Variants in PLD3 observed in about 807,000 individuals in gnomAD.
PLD3 encodes the protein 5'-3' exonuclease PLD3.
A neutral mutation model predicts 58.4 loss-of-function variants in PLD3; 31 were observed. The observed-to-expected ratio is 0.53, with a 90% CI of 0.40 to 0.72. PLD3 has a LOEUF of 0.72. Ranked by LOEUF, PLD3 falls within the 30% of genes least tolerant of loss-of-function variation. The probability of loss-of-function intolerance (pLI) is 0.00; values close to 1 mark genes in which losing one functional copy is unlikely to be tolerated. For missense variants in PLD3, 595 were observed against 659.8 expected (o/e 0.90, Z 1.08); for synonymous variants, 264 against 273.4 (o/e 0.97, Z 0.34).
chr19:40,374,506 G>A lies in PLD3; in HGVS notation c.905G>A (p.Ser302Asn), dbSNP rs1423910317. 1 of 1,614,156 alleles carries A rather than the reference G, an allele frequency of 6.2e-7. No homozygotes were observed. The highest frequency in any genetic ancestry group is 1.1e-5 in the South Asian group (1 of 91,082). ...AGTGCGCCCCCACCCCTGTGTCCAA[G>A]TGGCCGCACTCCAGACCTGAAGGCT... Reference protein sequence around the residue: ...LASAPPPLCPSGRTPDLKALL... With the variant: ...LASAPPPLCPNGRTPDLKALL... The change falls in exon 10 of 13, where the codon AGT becomes AAT. Residue 302 changes from serine to asparagine, a missense_variant. By Grantham distance (46) the Ser-to-Asn change is conservative. Transcript: ENST00000409735.
intron 1 of PLD3, among the ~76,000 whole-genome samples, chr19:40,364,616 C>T (rs1247918913): frequency 6.6e-6 from 1 of 151,608 alleles, no homozygotes; most frequent in African/African-American, 2.4e-5. Flanking sequence ...ATGGTGAAAC[C>T]CCATCTCTAC....
intron 10 of PLD3, 22 bp from the exon 11 acceptor site, chr19:40,376,587 C>A: frequency 1.2e-6 from 2 of 1,602,350 alleles, no homozygotes; most frequent in South Asian, 2.2e-5. Context: ...TCCTGCCCCA[C>A]CTCCTATACA....
chr19:40,361,680 A>G (rs2078788545), intron 1 of PLD3, among the ~76,000 whole-genome samples: 1 of 150,982 alleles, frequency 6.6e-6, no homozygotes, highest in South Asian at 2.1e-4. Context: ...ATCTCACCCC[A>G]CCTTGAAGTT....
At chr19:40,350,058 C>T (rs1442434553) in intron 1 of PLD3, among the ~76,000 whole-genome samples, 1 of 150,628 alleles carries the variant, frequency 6.6e-6, no homozygotes, top group Non-Finnish European at 1.5e-5. Context: ...GTCGGAAGTT[C>T]GAGACCAGCC....
rs375519904 is a variant in PLD3, at chr19:40,376,560, C to G, written c.1020-49C>G. 1.1e-5 allele frequency: 18 copies of G among 1,567,176 alleles called. No individual in the cohort carries two copies. In the African/African-American group the frequency reaches 1.9e-4, roughly 16 times the overall value. ...CAAAGCTGAGGGCAAAGCCTGTGGA[C>G]ACAGCCGCCCTCTGCATCCTGCCCC... is the stretch of plus-strand genomic sequence containing the variant. On this transcript the variant is annotated intron_variant, in intron 10 of 12. Coordinates refer to ENST00000409735, the MANE Select transcript of PLD3 (RefSeq NM_012268.4).
chr19:40,378,155 C>T lies in PLD3; in HGVS notation c.1455C>T (p.Asn485=), dbSNP rs146102141. ...DLDTSADSVG[N]ACRLL ...ACACCTCAGCTGACAGCGTGGGCAACGCCTGCCGCCTGCTCTGAGGCCCGA... is the reference window on the plus strand; with the variant it reads ...ACACCTCAGCTGACAGCGTGGGCAATGCCTGCCGCCTGCTCTGAGGCCCGA... Residue 485 remains asparagine (N), a synonymous_variant, in exon 13 of 13, where the codon AAC becomes AAT. Coordinates refer to ENST00000409735, the MANE Select transcript of PLD3 (RefSeq NM_012268.4). 1.2e-5 allele frequency: 19 copies of T among 1,609,326 alleles called. No homozygotes were observed. The East Asian group carries it at 1.3e-4, about 11-fold the overall frequency.
At position 40,366,827 on chromosome 19, in the gene PLD3, C is replaced by T. The variant is rs2145685949; in HGVS notation, c.157C>T (p.Leu53=). 6.2e-7 allele frequency: 1 copy of T among 1,614,030 alleles called. No homozygotes were observed. The highest frequency in any genetic ancestry group is 1.1e-5 in the South Asian group (1 of 91,088). ...LILAVVGFGA[L]MTQLFLWEYG... is the part of the protein sequence containing the mutation. ...TCTGGCGGTTGTGGGCTTCGGAGCC[C>T]TGATGACTCAGCTGTTTCTATGGGA... Residue 53 remains leucine, a synonymous_variant, in exon 5 of 13, where the codon CTG becomes TTG. Transcript: ENST00000409735.
At chr19:40,355,336 G>C (rs2078628981) in intron 1 of PLD3, among the ~76,000 whole-genome samples, 1 of 149,554 alleles carries the variant, frequency 6.7e-6, no homozygotes. Flanking sequence ...TTTTGAGACA[G>C]AGTTTCGCTC....
In PLD3 at chr19:40,370,177, G is replaced by C. The variant is rs771756854; in HGVS notation, c.618G>C (p.Val206=). 2 of 1,614,016 alleles carry C rather than the reference G, an allele frequency of 1.2e-6. No homozygotes were observed. Among genetic ancestry groups the C allele is most frequent in the South Asian group, 2.2e-5 (2 of 91,076 alleles). Residue 206 remains valine (V), a synonymous_variant, in exon 8 of 13, where the codon GTG becomes GTC. Transcript: ENST00000409735. ...THGVLHTKFW[V]VDQTHFYLGS... is the part of the protein sequence containing the mutation. Reference sequence around the variant, plus strand: ...GCGTCCTGCATACCAAGTTCTGGGTGGTGGACCAGACCCACTTCTACCTGG... The same window carrying C: ...GCGTCCTGCATACCAAGTTCTGGGTCGTGGACCAGACCCACTTCTACCTGG...
intron 9 of PLD3, 70 bp downstream of exon 9, chr19:40,371,943 CT>C: frequency 2.3e-6 from 3 of 1,297,830 alleles, no homozygotes; most frequent in Non-Finnish European, 3.3e-6. Context: ...CCATCTGTCC[CT>C]GTTTGGTGAT....
rs1362139900 is a variant in PLD3, at chr19:40,378,348, C to T, written c.*175C>T. 8.3e-6 allele frequency: 6 copies of T among 722,874 alleles called. No individual in the cohort carries two copies. Among genetic ancestry groups the T allele is most frequent in the South Asian group, 1.5e-5 (1 of 67,998 alleles). The allele number at this position is 722,874 out of a possible 1,614,324, so 44.8% of individuals were successfully genotyped here. A position where few individuals can be genotyped will look rare whatever the true frequency, so the allele number is the denominator to read the frequency against. On this transcript the variant is annotated 3_prime_UTR_variant, in exon 13 of 13. Transcript: ENST00000409735. Reference sequence around the variant, plus strand: ...CCCCACCGGCCTGACGCTGTGGCCCCGGGACCCAGCAGAGCTGGGGGAGGG... The same window carrying T: ...CCCCACCGGCCTGACGCTGTGGCCCTGGGACCCAGCAGAGCTGGGGGAGGG...
At chr19:40,377,303 G>C (rs1345904772) in intron 11 of PLD3, among the ~76,000 whole-genome samples, 1 of 138,292 alleles carries the variant, frequency 7.2e-6, no homozygotes, top group Non-Finnish European at 1.6e-5. Context: ...TGGGGGCACA[G>C]GCAGAGGGGT....
chr19:40,363,357 T>G (rs550329279), intron 1 of PLD3, among the ~76,000 whole-genome samples: 1 of 152,096 alleles, frequency 6.6e-6, no homozygotes, highest in African/African-American at 2.4e-5. Context: ...ATCTTCTGCT[T>G]CTCCTAGTGA....
At chr19:40,377,182 C>T (rs1373693949) in intron 11 of PLD3, among the ~76,000 whole-genome samples, 40 of 84,428 alleles carry the variant, frequency 4.7e-4, no homozygotes, top group Admixed American at 9.1e-4. Flanking sequence ...GGGTCGGGGC[C>T]AGGATGGAGG....
chr19:40,354,709 A>G (rs1295097797), intron 1 of PLD3, among the ~76,000 whole-genome samples: 2 of 151,632 alleles, frequency 1.3e-5, no homozygotes, highest in Admixed American at 1.3e-4. Flanking sequence ...TATTTTTAAC[A>G]GAGACAGGGT....
rs1192568767 is a variant in PLD3 at position 40,371,747 on chromosome 19, C to T, written c.753C>T (p.Tyr251=). The change falls in exon 9 of 13, where the codon TAC becomes TAT. Residue 251 remains tyrosine, a synonymous_variant. Transcript: ENST00000409735. ...ARDLTKIFEA[Y]WFLGQAGSSI... is the part of the protein sequence containing the mutation. ...ACCTGACCAAGATCTTTGAGGCCTA[C>T]TGGTTCCTGGGCCAGGCAGGCAGCT... 1.4e-5 allele frequency: 22 copies of T among 1,613,994 alleles called. No individual in the cohort carries two copies. The highest frequency in any genetic ancestry group is 1.7e-5 in the Non-Finnish European group (20 of 1,179,942).
chr19:40,352,758 T>G (rs12460615), intron 1 of PLD3, among the ~76,000 whole-genome samples: 56,816 of 151,872 alleles, frequency 0.37, 12,179 homozygotes, highest in South Asian at 0.61. Flanking sequence ...AGCCCAGCAG[T>G]TCAATAGCAG....
At chr19:40,350,615 G>A (rs566131305) in intron 1 of PLD3, among the ~76,000 whole-genome samples, 20 of 151,630 alleles carry the variant, frequency 1.3e-4, no homozygotes, top group Non-Finnish European at 8.8e-5. Context: ...ATGGTGGCGC[G>A]CCCCTAAAAT....
At chr19:40,368,638 C>T (rs962604110) in intron 6 of PLD3, among the ~76,000 whole-genome samples, 6 of 152,126 alleles carry the variant, frequency 3.9e-5, no homozygotes, top group Non-Finnish European at 8.8e-5. Flanking sequence ...TGTGGTGATT[C>T]ACACCTGTAA....
Sources: allele counts gnomAD v4.1 joint callset (sites outside exome capture counted in the v4.1 genomes callset), GRCh38; gene constraint gnomAD v4.1.1; transcripts MANE v1.5; gene names NCBI Gene and HGNC (gene_info 2026-07-23, HGNC 2026-07-21).